HEXB: variants seen among roughly 807,000 people sequenced by gnomAD.
HEXB encodes the protein beta-hexosaminidase subunit beta.
HEXB carries 51 observed loss-of-function variants against 71.2 expected under a neutral mutation model. The ratio of observed to expected loss-of-function variants is 0.72; its 90% CI spans 0.57 to 0.90. The LOEUF (loss-of-function observed/expected upper bound fraction) is 0.90. HEXB is among the 40% of genes least tolerant of loss of function. HEXB has a pLI of 0.00. For synonymous variants in HEXB, 266 were observed against 249.3 expected (o/e 1.07, Z -0.63); for missense variants, 617 against 677.0 (o/e 0.91, Z 0.98).
intron 1 of HEXB, among the ~76,000 whole-genome samples, chr5:74,662,536 T>A (rs1259502307): frequency 6.6e-6 from 1 of 152,204 alleles, no homozygotes; most frequent in Non-Finnish European, 1.5e-5. Context: ...TGAATTTTTT[T>A]AGAATAAATT....
chr5:74,685,169 C>G (rs1407998410), upstream of HEXB: 1 of 1,348,822 alleles, frequency 7.4e-7, no homozygotes, highest in Non-Finnish European at 9.6e-7. Context: ...GGTGACTCAC[C>G]CGCGGCCGCG....
At chr5:74,674,341 A>C (rs895602964) in intron 1 of HEXB, among the ~76,000 whole-genome samples, 2 of 152,032 alleles carry the variant, frequency 1.3e-5, no homozygotes, top group East Asian at 1.9e-4. Flanking sequence ...TGGTGGCTCA[A>C]GCCTGTAATC....
At chr5:74,676,501 C>T (rs1748632641) in intron 1 of HEXB, among the ~76,000 whole-genome samples, 1 of 152,196 alleles carries the variant, frequency 6.6e-6, no homozygotes, top group Non-Finnish European at 1.5e-5. Flanking sequence ...GGTGCAGTGG[C>T]TCACTCCTGT....
intron 6 of HEXB, among the ~76,000 whole-genome samples, chr5:74,712,961 A>C (rs542322808): frequency 5.3e-5 from 8 of 152,148 alleles, no homozygotes; most frequent in Non-Finnish European, 7.4e-5. Context: ...TCTATATGGG[A>C]ATTTTTCAAG....
Position 74,696,973 on chromosome 5 carries a change from A to G in HEXB, c.559-23A>G, listed in dbSNP as rs770372736. On this transcript the variant is annotated intron_variant, in intron 4 of 13. Coordinates refer to ENST00000261416, the MANE Select transcript of HEXB (RefSeq NM_000521.4). ...AGACAACAGAAAATTCTAAAACTAA[A>G]TCAAAATTTTATTTTGTCATAGTTC... is the stretch of plus-strand genomic sequence containing the variant. The G allele has an allele frequency of 1.6e-5, 21 of 1,279,730 alleles. No individual in the cohort carries two copies. The Admixed American group carries it at 3.4e-4, about 20-fold the overall frequency. 79.3% of individuals were successfully genotyped at this position (1,279,730 alleles called of 1,614,324 possible). A position where few individuals can be genotyped will look rare whatever the true frequency, so the allele number is the denominator to read the frequency against.
At chr5:74,661,323 AAATC>A (rs1748315085) in intron 1 of HEXB, among the ~76,000 whole-genome samples, 1 of 152,218 alleles carries the variant, frequency 6.6e-6, no homozygotes, top group Non-Finnish European at 1.5e-5. Flanking sequence ...ATGAAAAGGA[AAATC>A]AGGAAAAACA....
chr5:74,653,848 T>G (rs1748168002), intron 1 of HEXB, among the ~76,000 whole-genome samples: 1 of 152,068 alleles, frequency 6.6e-6, no homozygotes. Flanking sequence ...CTACTATGTG[T>G]CTGGTTATAG....
chr5:74,666,643 GC>G (rs1364123278), intron 1 of HEXB, among the ~76,000 whole-genome samples: 1 of 152,216 alleles, frequency 6.6e-6, no homozygotes, highest in Non-Finnish European at 1.5e-5. Flanking sequence ...CAGCCTTGGG[GC>G]ATTAGCAGAG....
intron 1 of HEXB, among the ~76,000 whole-genome samples, chr5:74,667,282 G>T (rs1293436779): frequency 6.6e-6 from 1 of 152,056 alleles, no homozygotes; most frequent in Non-Finnish European, 1.5e-5. Flanking sequence ...ATCCAGGCAT[G>T]GTGGTGCATG....
At chr5:74,675,804 G>A (rs531211724) in intron 1 of HEXB, among the ~76,000 whole-genome samples, 4 of 152,336 alleles carry the variant, frequency 2.6e-5, no homozygotes, top group African/African-American at 9.6e-5. Context: ...TGGGGTCGGG[G>A]GGTGAGGTGG....
intron 2 of HEXB, among the ~76,000 whole-genome samples, chr5:74,690,588 G>T (rs921880631): frequency 3.6e-5 from 5 of 138,974 alleles, no homozygotes; most frequent in African/African-American, 1.4e-4. Flanking sequence ...GGAGGCAGAG[G>T]TTGCAGTGAG....
intron 1 of HEXB, among the ~76,000 whole-genome samples, chr5:74,650,765 C>CAA (rs773616448): frequency 0.16 from 23,252 of 145,380 alleles, 2,338 homozygotes; most frequent in African/African-American, 0.29. Context: ...ACTAAAAATA[C>CAA]AAAAAAAAAA....
intron 1 of HEXB, among the ~76,000 whole-genome samples, chr5:74,666,060 G>C (rs144484009): frequency 6.6e-6 from 1 of 152,304 alleles, no homozygotes; most frequent in Admixed American, 6.5e-5. Context: ...ACAGAGAACT[G>C]TTTTATCCAT....
At position 74,718,948 on chromosome 5, in the gene HEXB, A is replaced by G. The variant is rs372862823; in HGVS notation, c.1394A>G (p.Lys465Arg). Residue 465 changes from lysine to arginine, a missense_variant, in exon 11 of 14, where the codon AAA (lysine) becomes AGA (arginine). By Grantham distance (26) the Lys-to-Arg change is conservative (BLOSUM62 2). Coordinates refer to ENST00000261416, the MANE Select transcript of HEXB (RefSeq NM_000521.4). Reference sequence around the variant, plus strand: ...GGACAAGATTGGAGGAAATACTATAAAGTGGAACCTCTTGATTTTGGCGGT... The same window carrying G: ...GGACAAGATTGGAGGAAATACTATAGAGTGGAACCTCTTGATTTTGGCGGT... ...SYGQDWRKYYKVEPLDFGGTQ... is the reference protein window; with the variant it reads ...SYGQDWRKYYRVEPLDFGGTQ... 9.9e-6 allele frequency: 16 copies of G among 1,613,942 alleles called. No homozygotes were observed. In the African/African-American group the frequency reaches 1.9e-4, roughly 19 times the overall value.
rs76033247 is a variant in HEXB at position 74,651,877 on chromosome 5, T to C, written c.-377+11319T>C. Among the ~76,000 whole-genome samples the C allele has an allele frequency of 2.8e-3, 425 of 152,316 alleles. 9 individuals carry two copies. In the East Asian group the frequency reaches 0.07, roughly 25 times the overall value. On this transcript the variant is annotated intron_variant, in intron 1 of 13. Coordinates refer to the HEXB transcript ENST00000511181. ...GCTAGAAGTGATAAGACTTAGGTAATGGAAAGCCAGAGCATATCTCCAGGT... is the reference window on the plus strand; with the variant it reads ...GCTAGAAGTGATAAGACTTAGGTAACGGAAAGCCAGAGCATATCTCCAGGT...
chr5:74,669,917 A>G (rs1442198098), intron 1 of HEXB, among the ~76,000 whole-genome samples: 1 of 152,166 alleles, frequency 6.6e-6, no homozygotes, highest in Non-Finnish European at 1.5e-5. Flanking sequence ...GGTTAACAAG[A>G]ACTTCCCATG....
chr5:74,715,274 T>TA (rs926189570), intron 7 of HEXB, among the ~76,000 whole-genome samples: 14 of 152,162 alleles, frequency 9.2e-5, no homozygotes, highest in Non-Finnish European at 1.9e-4. Flanking sequence ...ATTTGGGAGT[T>TA]ACTAACATTT....
intron 5 of HEXB, among the ~76,000 whole-genome samples, chr5:74,704,375 T>C (rs1749332519): frequency 6.6e-6 from 1 of 152,136 alleles, no homozygotes; most frequent in Admixed American, 6.5e-5. Context: ...TTATTGTTTT[T>C]CATCTTTTAA....
intron 2 of HEXB, chr5:74,689,957 T>C (rs1340460452): frequency 5.7e-6 from 1 of 176,794 alleles, no homozygotes; most frequent in Non-Finnish European, 1.2e-5. Context: ...TCTGTCACTA[T>C]ATGGATGAGC....
Sources: gnomAD v4.1 joint callset for allele counts (sites outside exome capture counted in the v4.1 genomes callset) on GRCh38, gnomAD v4.1.1 for gene constraint, MANE v1.5 for transcripts, NCBI Gene and HGNC (gene_info 2026-07-23, HGNC 2026-07-21) for gene names.